COL5A2: variants seen among roughly 807,000 people sequenced by gnomAD.
The protein encoded by COL5A2 is collagen type V alpha 2 chain.
A neutral mutation model predicts 208.2 loss-of-function variants in COL5A2; 23 were observed. That is an observed-to-expected ratio of 0.11 (90% CI 0.08 to 0.16). The LOEUF (loss-of-function observed/expected upper bound fraction) is 0.16, where lower values mean the gene tolerates loss of function less well. Among genes scored for constraint, COL5A2 ranks in the 10% least tolerant of loss-of-function variants. COL5A2 has a pLI of 1.00. For synonymous variants in COL5A2, 625 were observed against 628.5 expected (o/e 0.99, Z 0.08); for missense variants, 1,590 against 1,956.4 (o/e 0.81, Z 3.53).
upstream of COL5A2, among the ~76,000 whole-genome samples, chr2:189,181,767 C>A (rs1413942014): frequency 6.6e-6 from 1 of 152,068 alleles, no homozygotes; most frequent in Admixed American, 6.5e-5. Context: ...CTGCTCAGAT[C>A]AGTAGTTTAG....
the COL5A2 span, among the ~76,000 whole-genome samples, chr2:189,313,696 C>G: frequency 6.6e-6 from 1 of 152,000 alleles, no homozygotes; most frequent in Admixed American, 6.6e-5. Flanking sequence ...TTCGAAAGAC[C>G]CATCTCACAT....
the COL5A2 span, among the ~76,000 whole-genome samples, chr2:189,436,952 C>T: frequency 2.0e-5 from 3 of 151,992 alleles, no homozygotes; most frequent in Non-Finnish European, 4.4e-5. Flanking sequence ...ACCACCATGG[C>T]ACACATTTAC....
intron 1 of COL5A2, among the ~76,000 whole-genome samples, chr2:189,162,080 C>T (rs990981245): frequency 5.3e-5 from 8 of 152,170 alleles, no homozygotes; most frequent in African/African-American, 1.9e-4. Flanking sequence ...AGCTCCCATC[C>T]CAGTCCTCCA....
chr2:189,113,690 C>T (rs1279181882), intron 1 of COL5A2, among the ~76,000 whole-genome samples: 1 of 148,530 alleles, frequency 6.7e-6, no homozygotes, highest in Non-Finnish European at 1.5e-5. Flanking sequence ...GATAAGTTAT[C>T]CCCTGAAGAT....
intron 1 of COL5A2, 52 bp downstream of exon 1, chr2:189,179,456 A>G (rs1255896242): frequency 1.3e-5 from 21 of 1,581,588 alleles, no homozygotes; most frequent in African/African-American, 2.7e-5. Flanking sequence ...CATTCCACCT[A>G]TTTCCCAAAC....
chr2:189,235,266 AGAG>A, the COL5A2 span, among the ~76,000 whole-genome samples: 3 of 151,864 alleles, frequency 2.0e-5, no homozygotes, highest in Non-Finnish European at 2.9e-5. Context: ...TTAATGGCAT[AGAG>A]GAGAACTATC....
At chr2:189,423,225 G>A in the COL5A2 span, among the ~76,000 whole-genome samples, 170 of 152,040 alleles carry the variant, frequency 1.1e-3, no homozygotes, top group African/African-American at 3.7e-3. Context: ...CAAAAGCTAT[G>A]GGATATAACA....
At chr2:189,365,022 AG>A in the COL5A2 span, among the ~76,000 whole-genome samples, 9 of 152,334 alleles carry the variant, frequency 5.9e-5, 1 homozygote, top group East Asian at 1.7e-3. Flanking sequence ...TAAAGTATGT[AG>A]CCAAAGAATA....
chr2:189,210,952 T>A (rs1291901872), intron 1 of COL5A2, among the ~76,000 whole-genome samples: 2 of 151,440 alleles, frequency 1.3e-5, no homozygotes, highest in African/African-American at 4.8e-5. Flanking sequence ...TTCCCCAGGA[T>A]TTTTTTTTAA....
intron 40 of COL5A2, 131 bp downstream of exon 40, chr2:189,052,618 C>A: frequency 1.0e-6 from 1 of 960,058 alleles, no homozygotes; most frequent in South Asian, 1.4e-5. Context: ...GCCCTTTGCA[C>A]TATAGTACAG....
At chr2:189,396,340 C>T in the COL5A2 span, among the ~76,000 whole-genome samples, 1 of 152,132 alleles carries the variant, frequency 6.6e-6, no homozygotes, top group East Asian at 1.9e-4. Context: ...AATGTAATGC[C>T]TTCATGAGAC....
At chr2:189,300,260 T>C in the COL5A2 span, among the ~76,000 whole-genome samples, 1 of 152,214 alleles carries the variant, frequency 6.6e-6, no homozygotes, top group African/African-American at 2.4e-5. Context: ...TTTATGGATG[T>C]TTCTATCTTT....
chr2:189,051,367 G>A lies in COL5A2; in HGVS notation c.2884C>T (p.Pro962Ser), dbSNP rs754018138. 7 of 1,613,950 alleles carry A rather than the reference G, an allele frequency of 4.3e-6. No individual in the cohort carries two copies. The African/African-American group carries it at 6.7e-5, about 15-fold the overall frequency. The change falls in exon 42 of 54, where the codon CCT becomes TCT. Residue 962 changes from proline to serine, a missense_variant. Pro to Ser is a moderately conservative substitution (Grantham distance 74). Coordinates refer to ENST00000374866, the MANE Select transcript of COL5A2 (RefSeq NM_000393.5). Reference sequence around the variant, plus strand: ...TCCCCTTTGTCTCCTGGGCCACCAGGGGGGCCAGCTGGTCCTCGATCTCCC... The same window carrying A: ...TCCCCTTTGTCTCCTGGGCCACCAGAGGGGCCAGCTGGTCCTCGATCTCCC... ...RVGDRGPAGPPGGPGDKGDPG... is the reference protein window; with the variant it reads ...RVGDRGPAGPSGGPGDKGDPG...
chr2:189,048,172 T>A (rs775794330), intron 45 of COL5A2, 37 bp downstream of exon 45: 6 of 1,591,946 alleles, frequency 3.8e-6, no homozygotes, highest in Non-Finnish European at 5.2e-6. Flanking sequence ...CAGATTTGCA[T>A]GACTTTAGAT....
chr2:189,356,008 A>G, the COL5A2 span, among the ~76,000 whole-genome samples: 2 of 152,094 alleles, frequency 1.3e-5, no homozygotes, highest in Middle Eastern at 3.2e-3. Context: ...CTTGTGGGTA[A>G]GGGATTTTAT....
chr2:189,307,744 A>C, the COL5A2 span, among the ~76,000 whole-genome samples: 1 of 152,216 alleles, frequency 6.6e-6, no homozygotes, highest in Non-Finnish European at 1.5e-5. Flanking sequence ...ATATCTTGAT[A>C]TCTTGAGAAC....
intron 2 of COL5A2, among the ~76,000 whole-genome samples, chr2:189,106,529 T>C (rs1429406847): frequency 1.3e-5 from 2 of 151,356 alleles, no homozygotes; most frequent in East Asian, 3.8e-4. Context: ...AAGCATACAA[T>C]TGTATTTTCT....
chr2:189,112,343 T>C (rs1235177583), intron 1 of COL5A2, among the ~76,000 whole-genome samples: 2 of 152,214 alleles, frequency 1.3e-5, no homozygotes, highest in Non-Finnish European at 2.9e-5. Context: ...GATATTATCA[T>C]TTGGCATATA....
At chr2:189,273,067 CT>C in the COL5A2 span, among the ~76,000 whole-genome samples, 1 of 152,064 alleles carries the variant, frequency 6.6e-6, no homozygotes, top group Admixed American at 6.6e-5. Flanking sequence ...GATCAAAACA[CT>C]GGTTATTTTC....
Sources: gnomAD v4.1 joint callset for allele counts (sites outside exome capture counted in the v4.1 genomes callset) on GRCh38, gnomAD v4.1.1 for gene constraint, MANE v1.5 for transcripts, NCBI Gene and HGNC (gene_info 2026-07-23, HGNC 2026-07-21) for gene names.